Variants in MYO16 observed in about 807,000 individuals in gnomAD.
MYO16 encodes the protein unconventional myosin-XVI.
A neutral mutation model predicts 205.3 loss-of-function variants in MYO16; 94 were observed. That is an observed-to-expected ratio of 0.46 (90% CI 0.39 to 0.54). MYO16 has a LOEUF of 0.54. Among genes scored for constraint, MYO16 ranks in the 20% least tolerant of loss-of-function variants. The pLI is 0.00. For missense variants in MYO16, 2,315 were observed against 2,387.5 expected, an observed-to-expected ratio of 0.97 and a Z score of 0.63; for synonymous variants, 988 against 954.0, an observed-to-expected ratio of 1.04 and a Z score of -0.66.
intron 4 of MYO16, among the ~76,000 whole-genome samples, chr13:108,754,574 A>T (rs1419429602): frequency 6.6e-6 from 1 of 152,188 alleles, no homozygotes; most frequent in African/African-American, 2.4e-5. Flanking sequence ...AAATAGATTT[A>T]AAAATGGTTT....
chr13:108,683,605 C>G (rs1392625658), intron 2 of MYO16, among the ~76,000 whole-genome samples: 1 of 152,130 alleles, frequency 6.6e-6, no homozygotes, highest in Non-Finnish European at 1.5e-5. Flanking sequence ...TTTTGAATAC[C>G]CTGGGACAAC....
the MYO16 span, among the ~76,000 whole-genome samples, chr13:108,517,023 T>G: frequency 6.6e-6 from 1 of 152,008 alleles, no homozygotes; most frequent in Non-Finnish European, 1.5e-5. Context: ...TTCAAATTCG[T>G]GGGTTCAAGC....
chr13:108,841,396 T>C (rs1877234385), intron 9 of MYO16, among the ~76,000 whole-genome samples: 1 of 152,326 alleles, frequency 6.6e-6, no homozygotes, highest in South Asian at 2.1e-4. Context: ...TATACAGCAC[T>C]GTATACAAAA....
the MYO16 span, among the ~76,000 whole-genome samples, chr13:108,544,326 G>A: frequency 6.6e-6 from 1 of 152,054 alleles, no homozygotes; most frequent in Non-Finnish European, 1.5e-5. Context: ...GATGAGAAGT[G>A]AAAGAATTCA....
At chr13:109,035,352 T>C (rs1886683836) in intron 23 of MYO16, among the ~76,000 whole-genome samples, 1 of 152,158 alleles carries the variant, frequency 6.6e-6, no homozygotes, top group South Asian at 2.1e-4. Context: ...ATATCTGCTC[T>C]AATGGCTGTT....
chr13:109,206,969 A>G lies in MYO16; in HGVS notation c.*133A>G, dbSNP rs1880625147. On this transcript the variant is annotated 3_prime_UTR_variant, in exon 35 of 35. Coordinates refer to ENST00000457511, the MANE Select transcript of MYO16 (RefSeq NM_001198950.3). ...GACAAAAAAAGCACAGGACACAGAC[A>G]CTAAATATATGAGATCCCGTGTGTG... 1.4e-6 allele frequency: 1 copy of G among 696,006 alleles called. No individual in the cohort carries two copies. The highest frequency in any genetic ancestry group is 2.7e-5 in the Admixed American group (1 of 37,418). The allele number at this position is 696,006 out of a possible 1,614,324, so 43.1% of individuals were successfully genotyped here.
chr13:108,598,150 A>C (rs1434414238), intron 1 of MYO16, among the ~76,000 whole-genome samples: 1 of 152,200 alleles, frequency 6.6e-6, no homozygotes, highest in Non-Finnish European at 1.5e-5. Context: ...TCATTTGTTT[A>C]TTCCACAAAT....
chr13:108,732,121 G>T (rs1884542232), intron 4 of MYO16, among the ~76,000 whole-genome samples: 1 of 152,092 alleles, frequency 6.6e-6, no homozygotes, highest in Admixed American at 6.6e-5. Context: ...TATTTTACTT[G>T]CCAGATGAAA....
chr13:108,786,798 G>T (rs1005890338), intron 5 of MYO16, among the ~76,000 whole-genome samples: 7 of 152,300 alleles, frequency 4.6e-5, no homozygotes, highest in African/African-American at 1.4e-4. Context: ...GGGGTCTCAG[G>T]CAGAAGCAAG....
intron 4 of MYO16, among the ~76,000 whole-genome samples, chr13:108,729,730 C>T (rs1363115134): frequency 6.6e-6 from 1 of 152,190 alleles, no homozygotes; most frequent in Non-Finnish European, 1.5e-5. Flanking sequence ...GCTTCAGTTT[C>T]TTGAGTTCAG....
intron 9 of MYO16, among the ~76,000 whole-genome samples, chr13:108,823,906 A>G (rs1427895365): frequency 6.6e-6 from 1 of 152,142 alleles, no homozygotes; most frequent in African/African-American, 2.4e-5. Context: ...CACAGGTGTT[A>G]TGTATATAAC....
At chr13:108,754,257 A>AGCATGCAGGACAAGCT (rs1885348529) in intron 4 of MYO16, among the ~76,000 whole-genome samples, 2 of 150,948 alleles carry the variant, frequency 1.3e-5, no homozygotes, top group African/African-American at 2.5e-5. Flanking sequence ...CAGGACAAGC[A>AGCATGCAGGACAAGCT]GTAGCATGAA....
chr13:108,825,266 A>T (rs891668516), intron 9 of MYO16, among the ~76,000 whole-genome samples: 2 of 152,116 alleles, frequency 1.3e-5, no homozygotes, highest in Non-Finnish European at 2.9e-5. Flanking sequence ...ATGGTATATC[A>T]TGTTAATAGA....
At chr13:108,520,623 T>C in the MYO16 span, among the ~76,000 whole-genome samples, 1 of 141,186 alleles carries the variant, frequency 7.1e-6, no homozygotes, top group Non-Finnish European at 1.5e-5. Flanking sequence ...GACAATCCGA[T>C]ACATTTTTAC....
chr13:108,806,624 T>G, intron 6 of MYO16, 55 bp from the exon 7 acceptor site: 1 of 1,542,190 alleles, frequency 6.5e-7, no homozygotes, highest in Non-Finnish European at 8.9e-7. Flanking sequence ...CTGAGTGAAC[T>G]GCATGAATAT....
At chr13:108,598,413 T>G (rs571757373) in intron 1 of MYO16, among the ~76,000 whole-genome samples, 1 of 152,362 alleles carries the variant, frequency 6.6e-6, no homozygotes, top group South Asian at 2.1e-4. Context: ...CTGGAAGATT[T>G]TTTATTTCCA....
At chr13:109,008,013 A>G (rs1233618223) in intron 21 of MYO16, among the ~76,000 whole-genome samples, 1 of 152,206 alleles carries the variant, frequency 6.6e-6, no homozygotes, top group Non-Finnish European at 1.5e-5. Context: ...GAAATATTTT[A>G]AATGCTCAAA....
At chr13:108,820,493 C>A in intron 8 of MYO16, 81 bp downstream of exon 8, 1 of 1,187,038 alleles carries the variant, frequency 8.4e-7, no homozygotes, top group Non-Finnish European at 1.2e-6. Flanking sequence ...ATCTTCAGCA[C>A]AGCTACAAAG....
rs965933630 is a variant in MYO16, at chr13:108,933,489, T to C, written c.1925+23339T>C. ...TTAGATATCGATAATGTAAGATCGA[T>C]TATTTGGATGTGTGTGTGTGTGTGT... On this transcript the variant is annotated intron_variant, in intron 16 of 34. Transcript: ENST00000457511. Among the ~76,000 whole-genome samples, 3 of 151,034 alleles carry C rather than the reference T, an allele frequency of 2.0e-5. No individual in the cohort carries two copies. The South Asian group carries it at 6.3e-4, about 31-fold the overall frequency.
Sources: allele counts gnomAD v4.1 joint callset (sites outside exome capture counted in the v4.1 genomes callset), GRCh38; gene constraint gnomAD v4.1.1; transcripts MANE v1.5; gene names NCBI Gene and HGNC (gene_info 2026-07-23, HGNC 2026-07-21).